Variants in GRK3 observed in about 807,000 individuals in gnomAD.
The protein encoded by GRK3 is G protein-coupled receptor kinase 3.
In GRK3, 54 loss-of-function variants were observed where a neutral mutation model predicts 95.7. The ratio of observed to expected loss-of-function variants is 0.56; its 90% CI spans 0.45 to 0.71. The LOEUF (loss-of-function observed/expected upper bound fraction) is 0.71. Ranked by LOEUF, GRK3 falls within the 30% of genes least tolerant of loss-of-function variation. The pLI is 0.00. For synonymous variants in GRK3, 281 were observed against 290.8 expected, an observed-to-expected ratio of 0.97 and a Z score of 0.34; for missense variants, 649 against 851.2, an observed-to-expected ratio of 0.76 and a Z score of 2.96.
At chr22:25,605,573 T>A (rs957414707) in intron 2 of GRK3, among the ~76,000 whole-genome samples, 1 of 152,234 alleles carries the variant, frequency 6.6e-6, no homozygotes, top group African/African-American at 2.4e-5. Flanking sequence ...TTTTGTGGAT[T>A]TATTGAGGTA....
chr22:25,687,000 A>G (rs1280694348), intron 10 of GRK3, among the ~76,000 whole-genome samples: 2 of 152,134 alleles, frequency 1.3e-5, no homozygotes, highest in African/African-American at 4.8e-5. Context: ...TTGTATTTTT[A>G]ATAGAGACGG....
In GRK3 at chr22:25,714,575, A is replaced by G. The variant is rs1018054959; in HGVS notation, c.1654+5A>G. Reference sequence around the variant, plus strand: ...AGCAACTTGGCCACGAAGAAGGTAAAATAGCTCACGTGTCTCAAAACATTT... The same window carrying G: ...AGCAACTTGGCCACGAAGAAGGTAAGATAGCTCACGTGTCTCAAAACATTT... On this transcript the variant is annotated splice_donor_5th_base_variant and intron_variant, in intron 18 of 20. Transcript: ENST00000324198. 6.9e-6 allele frequency: 11 copies of G among 1,585,046 alleles called. No individual in the cohort carries two copies. The highest frequency in any genetic ancestry group is 1.4e-5 in the African/African-American group (1 of 73,082).
At chr22:25,696,749 C>T (rs924855629) in intron 13 of GRK3, among the ~76,000 whole-genome samples, 16 of 152,228 alleles carry the variant, frequency 1.1e-4, no homozygotes, top group Non-Finnish European at 1.9e-4. Context: ...CCCTCTGTTT[C>T]GTCAGGACTC....
In GRK3 at chr22:25,723,527, A is replaced by G. The variant is rs1438850878; in HGVS notation, c.*1077A>G. The G allele has an allele frequency of 6.6e-6, 1 of 152,184 alleles. No individual in the cohort carries two copies. The highest frequency in any genetic ancestry group is 1.5e-5 in the Non-Finnish European group (1 of 68,036). The allele number at this position is 152,184 out of a possible 1,614,324, so 9.4% of individuals were successfully genotyped here. On this transcript the variant is annotated 3_prime_UTR_variant, in exon 21 of 21. Transcript: ENST00000324198. ...ATGATACTTTGCACTGGGCTGTACG[A>G]CAGTGAGGACCTTAGGGCATGAAGC...
intron 12 of GRK3, 41 bp downstream of exon 12, chr22:25,690,324 C>A: frequency 6.8e-7 from 1 of 1,465,166 alleles, no homozygotes; most frequent in Non-Finnish European, 9.6e-7. Flanking sequence ...CATTTCTCTC[C>A]TGCCCTTTCA....
chr22:25,578,635 T>A (rs1931993325), intron 1 of GRK3, among the ~76,000 whole-genome samples: 1 of 152,134 alleles, frequency 6.6e-6, no homozygotes, highest in Non-Finnish European at 1.5e-5. Flanking sequence ...GTCAGAGCGA[T>A]GCAACATGAG....
chr22:25,699,201 A>G (rs1463192203), intron 13 of GRK3, among the ~76,000 whole-genome samples: 5 of 152,118 alleles, frequency 3.3e-5, no homozygotes, highest in Non-Finnish European at 7.4e-5. Flanking sequence ...GGAGAACCTC[A>G]AAAATATGCC....
At chr22:25,663,942 G>T (rs1168415644) in intron 5 of GRK3, among the ~76,000 whole-genome samples, 6 of 152,148 alleles carry the variant, frequency 3.9e-5, no homozygotes, top group Non-Finnish European at 8.8e-5. Context: ...GAGCTTTGTC[G>T]TAACATTATG....
chr22:25,720,327 A>G (rs796125005), intron 19 of GRK3, among the ~76,000 whole-genome samples: 8 of 152,320 alleles, frequency 5.3e-5, no homozygotes, highest in African/African-American at 1.7e-4. Flanking sequence ...AAGTCTAAGT[A>G]AGGAAAAAGA....
chr22:25,711,728 A>G (rs1249148255), intron 17 of GRK3, among the ~76,000 whole-genome samples: 1 of 152,102 alleles, frequency 6.6e-6, no homozygotes. Context: ...GCTGGGTCAA[A>G]GTGTATCACT....
chr22:25,657,581 A>G (rs79250428), intron 3 of GRK3, among the ~76,000 whole-genome samples: 2,171 of 152,236 alleles, frequency 0.014, 51 homozygotes, highest in African/African-American at 0.048. Flanking sequence ...TTTTAGACAG[A>G]TATAAAAGTG....
intron 9 of GRK3, among the ~76,000 whole-genome samples, chr22:25,684,339 G>A (rs1236321745): frequency 6.6e-6 from 1 of 152,150 alleles, no homozygotes; most frequent in Non-Finnish European, 1.5e-5. Flanking sequence ...TTCCTTGACT[G>A]TTTACATTTA....
Position 25,646,885 on chromosome 22 carries a change from G to T in GRK3, c.264+2220G>T, listed in dbSNP as rs532688504. Among the ~76,000 whole-genome samples the T allele has an allele frequency of 4.0e-4, 61 of 152,028 alleles. 1 individual carries two copies. In the South Asian group the frequency reaches 0.013, roughly 32 times the overall value. On this transcript the variant is annotated intron_variant, in intron 3 of 20. Coordinates refer to ENST00000324198, the MANE Select transcript of GRK3 (RefSeq NM_005160.4). ...AAAATACAAAAATTAGCCAGGTGTGGTGGTGCATGCCTGTAATTTCAGCTA... is the reference window on the plus strand; with the variant it reads ...AAAATACAAAAATTAGCCAGGTGTGTTGGTGCATGCCTGTAATTTCAGCTA...
At chr22:25,634,652 T>A (rs1354213704) in intron 2 of GRK3, among the ~76,000 whole-genome samples, 2 of 152,220 alleles carry the variant, frequency 1.3e-5, no homozygotes, top group African/African-American at 4.8e-5. Context: ...TATTATATTG[T>A]GTTTGTTCAA....
At chr22:25,584,096 T>A (rs1466215703) in intron 1 of GRK3, among the ~76,000 whole-genome samples, 1 of 152,242 alleles carries the variant, frequency 6.6e-6, no homozygotes, top group Non-Finnish European at 1.5e-5. Context: ...AGTAAATGCC[T>A]AAAATCTTTG....
chr22:25,640,533 T>C (rs1310062613), intron 2 of GRK3, among the ~76,000 whole-genome samples: 1 of 152,216 alleles, frequency 6.6e-6, no homozygotes, highest in Non-Finnish European at 1.5e-5. Flanking sequence ...AGTTATGCAG[T>C]CTATTCTCCT....
intron 3 of GRK3, among the ~76,000 whole-genome samples, chr22:25,646,315 A>C (rs1409155760): frequency 6.6e-6 from 1 of 152,212 alleles, no homozygotes. Context: ...GATAATTTGA[A>C]TTTATTATGA....
At chr22:25,586,220 G>A (rs1434367849) in intron 1 of GRK3, among the ~76,000 whole-genome samples, 1 of 152,282 alleles carries the variant, frequency 6.6e-6, no homozygotes, top group Non-Finnish European at 1.5e-5. Context: ...TAGAATGATT[G>A]CTGATGTCTC....
At chr22:25,645,693 C>T (rs992102897) in intron 3 of GRK3, among the ~76,000 whole-genome samples, 9 of 152,084 alleles carry the variant, frequency 5.9e-5, no homozygotes, top group African/African-American at 1.2e-4. Flanking sequence ...GAGGCCGAGG[C>T]GGGTGGATCA....
Sources: allele counts gnomAD v4.1 joint callset (sites outside exome capture counted in the v4.1 genomes callset), GRCh38; gene constraint gnomAD v4.1.1; transcripts MANE v1.5; gene names NCBI Gene and HGNC (gene_info 2026-07-23, HGNC 2026-07-21).